The following RHOT1 variants were observed in gnomAD, a reference collection of about 807,000 sequenced individuals.
RHOT1 encodes ras homolog family member T1.
Under a neutral mutation model 95.3 loss-of-function variants are expected in RHOT1, and 27 were observed. That is an observed-to-expected ratio of 0.28 (90% confidence interval 0.21 to 0.39). The LOEUF (loss-of-function observed/expected upper bound fraction) is 0.39, where lower values mean the gene tolerates loss of function less well. RHOT1 is among the 10% of genes least tolerant of loss of function. RHOT1 has a pLI of 1.00. For missense variants in RHOT1, 578 were observed against 786.7 expected (o/e 0.73, Z 3.17); for synonymous variants, 227 against 263.5 (o/e 0.86, Z 1.34).
intron 1 of RHOT1, among the ~76,000 whole-genome samples, chr17:32,169,074 A>G (rs571419223): frequency 2.6e-5 from 4 of 152,174 alleles, no homozygotes; most frequent in Non-Finnish European, 5.9e-5. Context: ...CATCTGATCT[A>G]TCCCTCTACC....
At position 32,208,149 on chromosome 17, in the gene RHOT1, GC is replaced by G. The variant is rs754994829; in HGVS notation, c.1580del (p.Ala527GlufsTer47). ...CAGAATACCTTGCTTAATCGTAGCT[GC>G]AAAGTCAGACCTGCATGAAGTTAAA... ...DSRIPCLIVA[A>X]KSDLHEVKQE... is the part of the protein sequence containing the mutation. On this transcript the variant is annotated frameshift_variant, in exon 18 of 20. Transcript: ENST00000545287. LOFTEE classifies it high-confidence loss of function. 1 of 1,614,042 alleles carries G rather than the reference GC, an allele frequency of 6.2e-7. No homozygotes were observed.
intron 19 of RHOT1, among the ~76,000 whole-genome samples, chr17:32,215,691 ACTT>A (rs1308440544): frequency 1.4e-4 from 22 of 152,278 alleles, no homozygotes; most frequent in African/African-American, 3.8e-4. Context: ...TTTTTCCTGA[ACTT>A]ATTTACTAAC....
At chr17:32,214,167 A>G (rs1346225981) in intron 19 of RHOT1, among the ~76,000 whole-genome samples, 2 of 152,188 alleles carry the variant, frequency 1.3e-5, no homozygotes, top group African/African-American at 4.8e-5. Context: ...TAAGATAGGT[A>G]GGTGGGGGCC....
chr17:32,203,861 G>T (rs776847792), intron 15 of RHOT1, 29 bp from the exon 16 acceptor site: 5 of 1,519,646 alleles, frequency 3.3e-6, no homozygotes, highest in African/African-American at 2.7e-5. Flanking sequence ...AGTTACTGCA[G>T]ATATTGAGAT....
intron 12 of RHOT1, 21 bp downstream of exon 12, chr17:32,199,052 T>C (rs770232898): frequency 2.3e-5 from 35 of 1,507,226 alleles, no homozygotes; most frequent in Non-Finnish European, 3.1e-5. Flanking sequence ...AGCTGTAATT[T>C]TCCATTATAT....
chr17:32,167,311 A>C (rs919899786), intron 1 of RHOT1, among the ~76,000 whole-genome samples: 2 of 151,912 alleles, frequency 1.3e-5, no homozygotes, highest in African/African-American at 2.4e-5. Context: ...GAGCACAGGC[A>C]GAATAGATTG....
intron 10 of RHOT1, 57 bp from the exon 11 acceptor site, chr17:32,193,930 C>T: frequency 1.3e-6 from 2 of 1,581,166 alleles, no homozygotes; most frequent in Non-Finnish European, 1.7e-6. Flanking sequence ...CATTATGTTA[C>T]ATGCTTTTCT....
chr17:32,154,257 A>G (rs1349888371), intron 1 of RHOT1, among the ~76,000 whole-genome samples: 1 of 150,772 alleles, frequency 6.6e-6, no homozygotes, highest in African/African-American at 2.5e-5. Flanking sequence ...CCTGGACAAC[A>G]TAGGGAGACC....
Position 32,208,175 on chromosome 17 carries a change from A to G in RHOT1, c.1605A>G (p.Lys535=). ...CAAAGTCAGACCTGCATGAAGTTAA[A>G]CAAGAATACAGTATTTCACCTACTG... ...VAAKSDLHEV[K]QEYSISPTDF... Residue 535 remains lysine (K), a synonymous_variant, in exon 18 of 20, where the codon AAA becomes AAG. Coordinates refer to ENST00000545287, the MANE Select transcript of RHOT1 (RefSeq NM_001033566.3). 5.0e-6 allele frequency: 8 copies of G among 1,614,152 alleles called. No homozygotes were observed. Among genetic ancestry groups the G allele is most frequent in the Non-Finnish European group, 6.8e-6 (8 of 1,179,978 alleles).
rs1333104300 is a variant in RHOT1 at position 32,211,212 on chromosome 17, C to CA, written c.1840dup (p.Ile614AsnfsTer7). On this transcript the variant is annotated frameshift_variant, in exon 19 of 20. Transcript: ENST00000545287. LOFTEE classifies it high-confidence loss of function. ...CAGACTTGCTGCAATCTGTAAAGAACAAAATCTTCACTGCAGTTCTTAACA... is the reference window on the plus strand; with the variant it reads ...CAGACTTGCTGCAATCTGTAAAGAACAAAAATCTTCACTGCAGTTCTTAACA... 6.2e-7 allele frequency: 1 copy of CA among 1,611,432 alleles called. No individual in the cohort carries two copies. The highest frequency in any genetic ancestry group is 1.3e-5 in the African/African-American group (1 of 74,888).
In RHOT1 at chr17:32,193,203, A is replaced by G. The variant is rs1234827293; in HGVS notation, c.707A>G (p.His236Arg). The change falls in exon 10 of 20, where the codon CAT (histidine) becomes CGT (arginine). Residue 236 changes from histidine (H) to arginine (R), a missense_variant. This residue lies in a region of RHOT1 where 227 missense variants were observed against 316.0 expected (regional missense o/e 0.72). Transcript: ENST00000545287. ...GATGTCAAGAATGTAGTCAGAAAACATATAAGTGATGGTGTGGCTGACAGT... is the reference window on the plus strand; with the variant it reads ...GATGTCAAGAATGTAGTCAGAAAACGTATAAGTGATGGTGTGGCTGACAGT... ...LEDVKNVVRK[H>R]ISDGVADSGL... is the part of the protein sequence containing the mutation. 2.5e-6 allele frequency: 4 copies of G among 1,613,732 alleles called. No homozygotes were observed. Among genetic ancestry groups the G allele is most frequent in the Non-Finnish European group, 3.4e-6 (4 of 1,179,820 alleles).
At chr17:32,192,664 CTTT>C (rs992979598) in intron 9 of RHOT1, among the ~76,000 whole-genome samples, 3 of 129,188 alleles carry the variant, frequency 2.3e-5, no homozygotes, top group Non-Finnish European at 1.7e-5. Context: ...ACATGTTTTA[CTTT>C]TTTTTTTTTT....
At chr17:32,195,964 A>G (rs537118047) in intron 11 of RHOT1, among the ~76,000 whole-genome samples, 1 of 152,140 alleles carries the variant, frequency 6.6e-6, no homozygotes, top group African/African-American at 2.4e-5. Context: ...GTCTTGTCGC[A>G]TTGTGGCTTA....
intron 19 of RHOT1, among the ~76,000 whole-genome samples, chr17:32,224,122 C>T (rs2039001592): frequency 6.6e-6 from 1 of 152,172 alleles, no homozygotes; most frequent in Non-Finnish European, 1.5e-5. Flanking sequence ...TTATGAGGCT[C>T]AGTGTTTCCA....
At chr17:32,153,348 G>T (rs931823753) in intron 1 of RHOT1, among the ~76,000 whole-genome samples, 6 of 152,210 alleles carry the variant, frequency 3.9e-5, no homozygotes, top group African/African-American at 1.4e-4. Context: ...TGAAGGATGA[G>T]AATATGGAGA....
chr17:32,203,266 CTTCTTT>C (rs1305000526), intron 15 of RHOT1, among the ~76,000 whole-genome samples: 10 of 108,636 alleles, frequency 9.2e-5, no homozygotes, highest in Non-Finnish European at 1.8e-4. Context: ...TCTTCTTCTT[CTTCTTT>C]TTTTTTTTTT....
chr17:32,204,379 C>T (rs185225129), intron 16 of RHOT1, among the ~76,000 whole-genome samples: 415 of 151,368 alleles, frequency 2.7e-3, no homozygotes, highest in African/African-American at 9.4e-3. Context: ...GGAGAAACCC[C>T]GTCTCTACTA....
At chr17:32,201,927 G>A (rs1352857342) in intron 14 of RHOT1, among the ~76,000 whole-genome samples, 3 of 151,824 alleles carry the variant, frequency 2.0e-5, no homozygotes, top group Non-Finnish European at 4.4e-5. Flanking sequence ...TTGTTTGTTT[G>A]TTTGAGATGG....
intron 9 of RHOT1, among the ~76,000 whole-genome samples, chr17:32,192,836 T>TA (rs1337248148): frequency 6.6e-6 from 1 of 151,926 alleles, no homozygotes; most frequent in African/African-American, 2.4e-5. Flanking sequence ...AACACCCAGC[T>TA]AATTTTTGTA....
Sources: gnomAD v4.1 joint callset for allele counts (sites outside exome capture counted in the v4.1 genomes callset) on GRCh38, gnomAD v4.1.1 for gene constraint, gnomAD v4.1.1 regional missense constraint, MANE v1.5 for transcripts, NCBI Gene and HGNC (gene_info 2026-07-23, HGNC 2026-07-21) for gene names.